The following INTS10 variants were observed in gnomAD, a reference collection of about 807,000 sequenced individuals.
INTS10 encodes chromosome 8 open reading frame 35.
In INTS10, 44 loss-of-function variants were observed where a neutral mutation model predicts 94.4. That is an observed-to-expected ratio of 0.47 (90% CI 0.37 to 0.60). The LOEUF is 0.60. Among genes scored for constraint, INTS10 ranks in the 20% least tolerant of loss-of-function variants. The pLI is 0.00. For missense variants in INTS10, 797 were observed against 868.7 expected, an observed-to-expected ratio of 0.92 and a Z score of 1.04; for synonymous variants, 341 against 320.7, an observed-to-expected ratio of 1.06 and a Z score of -0.68.
In INTS10 at chr8:19,843,262, A is replaced by T. The variant is rs2068283756; in HGVS notation, c.1719+335A>T. 6.6e-6 allele frequency among the ~76,000 whole-genome samples: 1 copy of T among 152,208 alleles called. No homozygotes were observed. Among genetic ancestry groups the T allele is most frequent in the Admixed American group, 6.5e-5 (1 of 15,280 alleles). On this transcript the variant is annotated intron_variant, in intron 14 of 16. Transcript: ENST00000397977. This position sits in a 1 kb window ranked among gnomAD's most constrained non-coding sequence, Gnocchi z 4.7. The stretch of plus-strand genomic sequence containing the variant: ...GGGAATACAAATTGCGGTTAGGTTC[A>T]TGGAGGGATGATGAGTTTGTCATTG...
intron 1 of INTS10, 39 bp from the exon 2 acceptor site, chr8:19,818,236 G>C (rs1327031134): frequency 6.2e-7 from 1 of 1,604,594 alleles, no homozygotes; most frequent in East Asian, 2.3e-5. Context: ...AGCCTTCTGG[G>C]CAGGGGTGAG....
intron 2 of INTS10, 51 bp downstream of exon 2, chr8:19,818,393 G>T (rs1449441976): frequency 1.9e-6 from 3 of 1,567,362 alleles, no homozygotes; most frequent in Non-Finnish European, 2.6e-6. Flanking sequence ...TCTCCATGAG[G>T]TTTTGTTTCT....
chr8:19,819,210 C>A (rs1278405443), intron 2 of INTS10, among the ~76,000 whole-genome samples: 6 of 152,302 alleles, frequency 3.9e-5, no homozygotes, highest in African/African-American at 1.4e-4. Context: ...TTGTACTACT[C>A]ATACTGTTAA....
chr8:19,823,203 A>T, intron 5 of INTS10, 98 bp from the exon 6 acceptor site: 1 of 881,730 alleles, frequency 1.1e-6, no homozygotes, highest in Non-Finnish European at 1.8e-6. Context: ...TATATATTTT[A>T]GATACTACAT....
chr8:19,820,299 G>GA, intron 3 of INTS10, 80 bp from the exon 4 acceptor site: 1 of 1,398,574 alleles, frequency 7.2e-7, no homozygotes, highest in Non-Finnish European at 9.8e-7. Context: ...TTCTGTACAT[G>GA]AAAATGCCTT....
intron 4 of INTS10, 81 bp from the exon 5 acceptor site, chr8:19,822,356 TAA>T: frequency 1.4e-6 from 1 of 724,186 alleles, no homozygotes; most frequent in Non-Finnish European, 2.4e-6. Context: ...CTGTGATAAG[TAA>T]AAAAAATACC....
chr8:19,839,212 A>C (rs12334353), intron 13 of INTS10, among the ~76,000 whole-genome samples: 1,940 of 152,336 alleles, frequency 0.013, 49 homozygotes, highest in African/African-American at 0.045. Flanking sequence ...AACTAGGAAT[A>C]GAAGGAAACT....
rs772531182 is a variant in INTS10 at position 19,818,314 on chromosome 8, G to A, written c.169G>A (p.Ala57Thr). Reference protein sequence around the residue: ...YTIERNAERTATAGRLLYDMF... With the variant: ...YTIERNAERTTTAGRLLYDMF... ...CATCGAGCGGAATGCAGAGCGGACC[G>A]CCACCGCCGGGAGGCTGCTGTACGA... The change falls in exon 2 of 17, where the codon GCC becomes ACC. Residue 57 changes from alanine to threonine, a missense_variant. Coordinates refer to ENST00000397977, the MANE Select transcript of INTS10 (RefSeq NM_018142.4). The A allele has an allele frequency of 3.1e-6, 5 of 1,614,070 alleles. No individual in the cohort carries two copies. Among genetic ancestry groups the A allele is most frequent in the African/African-American group, 2.7e-5 (2 of 74,936 alleles).
rs1046512084 is a variant in INTS10, at chr8:19,824,927, A to T, written c.961A>T (p.Asn321Tyr). The T allele has an allele frequency of 3.1e-6, 5 of 1,613,966 alleles. No individual in the cohort carries two copies. The highest frequency in any genetic ancestry group is 1.1e-5 in the South Asian group (1 of 91,018). Reference sequence around the variant, plus strand: ...TTCCACCATGCTGGTCTTCTTTAAGAATGCATTCCAGTATGTCAACAGCAT... The same window carrying T: ...TTCCACCATGCTGGTCTTCTTTAAGTATGCATTCCAGTATGTCAACAGCAT... ...VYSTMLVFFK[N>Y]AFQYVNSIQP... Residue 321 changes from asparagine to tyrosine, a missense_variant, in exon 8 of 17, where the codon AAT (asparagine) becomes TAT (tyrosine). Around this residue, in one of 3 missense-constraint regions of INTS10, gnomAD observed 734 missense variants for 787.8 expected, o/e 0.93. Coordinates refer to ENST00000397977, the MANE Select transcript of INTS10 (RefSeq NM_018142.4).
rs553178913 is a variant in INTS10, at chr8:19,820,045, T to C, written c.302-334T>C. ...GTAGTCAATCAAAGATTTCAAACTC[T>C]AGATAAAATAGCAAGTAGATGCATA... On this transcript the variant is annotated intron_variant, in intron 3 of 16. Coordinates refer to ENST00000397977, the MANE Select transcript of INTS10 (RefSeq NM_018142.4). 2.5e-3 allele frequency among the ~76,000 whole-genome samples: 385 copies of C among 152,348 alleles called. 3 individuals carry two copies. Among genetic ancestry groups the C allele is most frequent in the African/African-American group, 8.5e-3 (352 of 41,584 alleles).
intron 13 of INTS10, among the ~76,000 whole-genome samples, chr8:19,839,385 A>C (rs1339954239): frequency 6.6e-6 from 1 of 152,126 alleles, no homozygotes; most frequent in Non-Finnish European, 1.5e-5. Context: ...AGATCTGACA[A>C]ATATGAGTAC....
At chr8:19,844,470 G>T (rs1190875868) in intron 15 of INTS10, among the ~76,000 whole-genome samples, 3 of 152,192 alleles carry the variant, frequency 2.0e-5, no homozygotes, top group Non-Finnish European at 4.4e-5. Context: ...TCCACTGCTA[G>T]GTGACTTCTA....
chr8:19,850,976 C>T (rs527728689), intron 16 of INTS10, among the ~76,000 whole-genome samples: 1 of 152,280 alleles, frequency 6.6e-6, no homozygotes, highest in East Asian at 1.9e-4. Flanking sequence ...TCCCTCTGCC[C>T]CTCAGAGATT....
In INTS10 at chr8:19,820,527, T is replaced by C. The variant is rs373798437; in HGVS notation, c.441+9T>C. 2 of 1,602,730 alleles carry C rather than the reference T, an allele frequency of 1.2e-6. No homozygotes were observed. The highest frequency in any genetic ancestry group is 1.7e-6 in the Non-Finnish European group (2 of 1,172,624). ...CGGTGGTGCAGCATGGGGTGAGATT[T>C]GATTCTTCCCCTTCTTTTAATATAA... On this transcript the variant is annotated intron_variant, in intron 4 of 16. Coordinates refer to ENST00000397977, the MANE Select transcript of INTS10 (RefSeq NM_018142.4).
rs1563468894 is a variant in INTS10 at position 19,846,895 on chromosome 8, T to A, written c.1976+1098T>A. 6.6e-6 allele frequency among the ~76,000 whole-genome samples: 1 copy of A among 152,126 alleles called. No individual in the cohort carries two copies. The highest frequency in any genetic ancestry group is 1.5e-5 in the Non-Finnish European group (1 of 68,006). Reference sequence around the variant, plus strand: ...GTGTGTCTGTAAGTCAGTGTTAGAGTTTCTGCAAGAGACTGAATCCTGAAT... The same window carrying A: ...GTGTGTCTGTAAGTCAGTGTTAGAGATTCTGCAAGAGACTGAATCCTGAAT... On this transcript the variant is annotated intron_variant, in intron 16 of 16. Transcript: ENST00000397977. This position sits in a 1 kb window ranked among gnomAD's most constrained non-coding sequence, Gnocchi z 4.2.
chr8:19,850,731 T>G (rs960418534), intron 16 of INTS10, among the ~76,000 whole-genome samples: 1 of 152,214 alleles, frequency 6.6e-6, no homozygotes, highest in African/African-American at 2.4e-5. Flanking sequence ...ATTGCTGAAC[T>G]AGTAGGTAAA....
Position 19,849,917 on chromosome 8 carries a change from T to C in INTS10, c.1977-1732T>C, listed in dbSNP as rs939936871. Among the ~76,000 whole-genome samples the C allele has an allele frequency of 1.3e-5, 2 of 152,160 alleles. No homozygotes were observed. Among genetic ancestry groups the C allele is most frequent in the East Asian group, 3.8e-4 (2 of 5,200 alleles). On this transcript the variant is annotated intron_variant, in intron 16 of 16. Transcript: ENST00000397977. This position sits in a 1 kb window ranked among gnomAD's most constrained non-coding sequence, Gnocchi z 4.6. Reference sequence around the variant, plus strand: ...TATGGAGATAATACAAATTGGACCCTGATCTGCAGGATGTAGCATTTAGTT... The same window carrying C: ...TATGGAGATAATACAAATTGGACCCCGATCTGCAGGATGTAGCATTTAGTT...
chr8:19,825,721 G>A (rs375262813), intron 8 of INTS10, among the ~76,000 whole-genome samples: 4 of 151,912 alleles, frequency 2.6e-5, no homozygotes, highest in Admixed American at 2.0e-4. Flanking sequence ...ATAATACAGC[G>A]GTCGTTTTTA....
At chr8:19,818,220 G>T in intron 1 of INTS10, 55 bp from the exon 2 acceptor site, 1 of 1,562,298 alleles carries the variant, frequency 6.4e-7, no homozygotes, top group Non-Finnish European at 8.8e-7. Flanking sequence ...TGCTGGATGA[G>T]CTGGGAGCCT....
Sources: allele counts gnomAD v4.1 joint callset (sites outside exome capture counted in the v4.1 genomes callset), GRCh38; gene constraint gnomAD v4.1.1; regional missense constraint gnomAD v4.1.1; non-coding constraint Gnocchi (gnomAD v3.1); transcripts MANE v1.5; gene names NCBI Gene and HGNC (gene_info 2026-07-23, HGNC 2026-07-21).